MAP3K9: variants seen among roughly 807,000 people sequenced by gnomAD.
The protein encoded by MAP3K9 is mixed lineage kinase 1 (tyr and ser/thr specificity).
A neutral mutation model predicts 95.8 loss-of-function variants in MAP3K9; 46 were observed. The ratio of observed to expected loss-of-function variants is 0.48; its 90% CI spans 0.38 to 0.61. The LOEUF is 0.61. MAP3K9 is among the 20% of genes least tolerant of loss of function. The pLI is 0.00. For synonymous variants in MAP3K9, 533 were observed against 593.8 expected, an observed-to-expected ratio of 0.90 and a Z score of 1.49; for missense variants, 1,296 against 1,474.3, an observed-to-expected ratio of 0.88 and a Z score of 1.98.
chr14:70,753,245 C>A (rs1271438799), intron 3 of MAP3K9, among the ~76,000 whole-genome samples: 3 of 152,148 alleles, frequency 2.0e-5, no homozygotes, highest in Non-Finnish European at 2.9e-5. Context: ...GCTAGTAGAC[C>A]TGTGGTTTCT....
intron 5 of MAP3K9, 22 bp from the exon 6 acceptor site, chr14:70,742,613 CAGAGA>C (rs753421436): frequency 6.2e-7 from 1 of 1,610,944 alleles, no homozygotes; most frequent in Non-Finnish European, 8.5e-7. Context: ...GCAGAACCAT[CAGAGA>C]AAAGACTGGG....
At chr14:70,790,814 C>T (rs2054799579) in intron 2 of MAP3K9, among the ~76,000 whole-genome samples, 1 of 152,166 alleles carries the variant, frequency 6.6e-6, no homozygotes, top group South Asian at 2.1e-4. Flanking sequence ...ACATTTTTCT[C>T]CTGACTCAAC....
At chr14:70,748,123 G>A (rs4899370) in intron 5 of MAP3K9, among the ~76,000 whole-genome samples, 127,455 of 145,910 alleles carry the variant, frequency 0.87, 55,755 homozygotes, top group Middle Eastern at 0.92. Context: ...AAAAAAAATG[G>A]TAAAAGAAAT....
intron 2 of MAP3K9, among the ~76,000 whole-genome samples, chr14:70,800,146 T>C (rs1486124365): frequency 1.3e-5 from 2 of 152,228 alleles, no homozygotes; most frequent in Non-Finnish European, 2.9e-5. Context: ...GTTGGTGATA[T>C]TACCAGGAAG....
At chr14:70,754,535 G>A (rs1594781378) in intron 3 of MAP3K9, among the ~76,000 whole-genome samples, 3 of 152,142 alleles carry the variant, frequency 2.0e-5, no homozygotes, top group Non-Finnish European at 4.4e-5. Flanking sequence ...GCAGTGGTGC[G>A]ATCTCAGCTC....
chr14:70,749,761 G>T, intron 4 of MAP3K9, 172 bp downstream of exon 4: 2 of 670,262 alleles, frequency 3.0e-6, no homozygotes, highest in Non-Finnish European at 5.0e-6. Flanking sequence ...TTGCAGCAGG[G>T]TGTGGATGTC....
chr14:70,783,965 T>C (rs1464317732), intron 2 of MAP3K9, among the ~76,000 whole-genome samples: 2 of 152,222 alleles, frequency 1.3e-5, no homozygotes, highest in East Asian at 3.8e-4. Context: ...ATCTGAAATC[T>C]ATATATACTT....
At chr14:70,778,617 A>G (rs1381525127) in intron 2 of MAP3K9, among the ~76,000 whole-genome samples, 2 of 152,096 alleles carry the variant, frequency 1.3e-5, no homozygotes, top group Non-Finnish European at 2.9e-5. Context: ...CACCTATAAC[A>G]CTGTCATCAT....
At chr14:70,756,209 T>C (rs1392557687) in intron 3 of MAP3K9, among the ~76,000 whole-genome samples, 1 of 152,194 alleles carries the variant, frequency 6.6e-6, no homozygotes, top group Non-Finnish European at 1.5e-5. Context: ...GCATTTGTGC[T>C]TTCCCTTCCC....
At chr14:70,745,771 A>G (rs1377434804) in intron 5 of MAP3K9, among the ~76,000 whole-genome samples, 2 of 152,152 alleles carry the variant, frequency 1.3e-5, no homozygotes, top group East Asian at 3.9e-4. Flanking sequence ...AGAAATGAGA[A>G]AAGAATTAGC....
chr14:70,793,271 G>A (rs999377797), intron 2 of MAP3K9, among the ~76,000 whole-genome samples: 1 of 152,198 alleles, frequency 6.6e-6, no homozygotes, highest in Non-Finnish European at 1.5e-5. Context: ...AGGAGGCAGA[G>A]GCGTTTGGGA....
intron 11 of MAP3K9, 124 bp downstream of exon 11, chr14:70,732,415 T>G (rs1055049924): frequency 4.4e-6 from 6 of 1,370,366 alleles, no homozygotes; most frequent in Admixed American, 2.9e-5. Context: ...ATTTCTTGAT[T>G]GGCTAAGAGG....
intron 2 of MAP3K9, among the ~76,000 whole-genome samples, chr14:70,774,408 G>A (rs1236475141): frequency 6.6e-6 from 1 of 152,242 alleles, no homozygotes; most frequent in East Asian, 1.9e-4. Context: ...GCTCACGCCT[G>A]TAATCTCAGC....
chr14:70,809,332 C>A lies in MAP3K9; in HGVS notation c.-161G>T. ...GGCTGGGAGAGCCGGCTCGCCGGCGCTGTTACCGCGGTACGAGAAGAGCGC... is the reference window on the plus strand; with the variant it reads ...GGCTGGGAGAGCCGGCTCGCCGGCGATGTTACCGCGGTACGAGAAGAGCGC... On this transcript the variant is annotated 5_prime_UTR_variant, in exon 1 of 12. Coordinates refer to ENST00000554752, the MANE Select transcript of MAP3K9 (RefSeq NM_001284230.2). 1.1e-6 allele frequency: 1 copy of A among 936,888 alleles called. No homozygotes were observed. 58.0% of individuals were successfully genotyped at this position (936,888 alleles called of 1,614,324 possible). A position where few individuals can be genotyped will look rare whatever the true frequency, so the allele number is the denominator to read the frequency against.
In MAP3K9 at chr14:70,728,828, C is replaced by A. The variant is rs2053854955; in HGVS notation, c.*1552G>T. The A allele has an allele frequency of 6.6e-6, 1 of 152,168 alleles. No homozygotes were observed. The highest frequency in any genetic ancestry group is 1.5e-5 in the Non-Finnish European group (1 of 68,050). The allele number at this position is 152,168 out of a possible 1,614,324, so 9.4% of individuals were successfully genotyped here. ...CAAATGCAAGGAACCTGCTGAGTGA[C>A]CTCCAAGACAAAAGACAGTGGAGCA... On this transcript the variant is annotated 3_prime_UTR_variant, in exon 12 of 12. Transcript: ENST00000554752.
chr14:70,793,059 G>A (rs945822969), intron 2 of MAP3K9, among the ~76,000 whole-genome samples: 8 of 152,218 alleles, frequency 5.3e-5, no homozygotes, highest in Non-Finnish European at 1.0e-4. Context: ...ACTGGAACAG[G>A]CACCATGAGG....
chr14:70,807,344 G>C (rs1296600314), intron 1 of MAP3K9, among the ~76,000 whole-genome samples: 1 of 152,128 alleles, frequency 6.6e-6, no homozygotes, highest in East Asian at 1.9e-4. Context: ...GCAAAAATTA[G>C]CCAGGCATGG....
intron 3 of MAP3K9, among the ~76,000 whole-genome samples, chr14:70,751,829 G>C (rs1185140491): frequency 6.6e-6 from 1 of 152,184 alleles, no homozygotes; most frequent in Non-Finnish European, 1.5e-5. Context: ...CAACAATTCT[G>C]ATAGGTATTA....
At chr14:70,750,608 C>A (rs1012390816) in intron 3 of MAP3K9, among the ~76,000 whole-genome samples, 1 of 152,126 alleles carries the variant, frequency 6.6e-6, no homozygotes, top group Non-Finnish European at 1.5e-5. Flanking sequence ...CCTCCACCTG[C>A]CGAGTAGCTG....
Sources: gnomAD v4.1 joint callset for allele counts (sites outside exome capture counted in the v4.1 genomes callset) on GRCh38, gnomAD v4.1.1 for gene constraint, MANE v1.5 for transcripts, NCBI Gene and HGNC (gene_info 2026-07-23, HGNC 2026-07-21) for gene names.